The following VAPB variants were observed in gnomAD, a reference collection of about 807,000 sequenced individuals.
VAPB encodes the protein VAMP associated protein B and C.
In VAPB, 7 loss-of-function variants were observed where a neutral mutation model predicts 25.6. The ratio of observed to expected loss-of-function variants is 0.27; its 90% CI spans 0.16 to 0.51. The LOEUF is 0.51. Among genes scored for constraint, VAPB ranks in the 20% least tolerant of loss-of-function variants. The pLI is 0.97. For missense variants in VAPB, 266 were observed against 301.3 expected, an observed-to-expected ratio of 0.88 and a Z score of 0.87; for synonymous variants, 112 against 109.2, an observed-to-expected ratio of 1.03 and a Z score of -0.16.
intron 1 of VAPB, among the ~76,000 whole-genome samples, chr20:58,407,708 G>A (rs556118989): frequency 6.0e-4 from 88 of 146,764 alleles, no homozygotes; most frequent in African/African-American, 2.0e-3. Flanking sequence ...AACTATTTCC[G>A]TTTTTTTCTA....
At chr20:58,414,353 C>T (rs1374409693) in intron 1 of VAPB, among the ~76,000 whole-genome samples, 6 of 144,298 alleles carry the variant, frequency 4.2e-5, no homozygotes, top group African/African-American at 1.3e-4. Context: ...CCGGACGGGG[C>T]GGCCGCCGGG....
In VAPB at chr20:58,434,604, A is replaced by T. The variant is rs1378516349; in HGVS notation, c.214A>T (p.Met72Leu). ...DAGASINVSV[M>L]LQPFDYDPNE... ...TAATGAAATATTTTCTTTCTCAGTG[A>T]TGTTACAGCCTTTCGATTATGATCC... The change falls in exon 3 of 6, where the codon ATG becomes TTG. Residue 72 changes from methionine to leucine, a missense_variant and splice_region_variant. Around this residue, in one of 3 missense-constraint regions of VAPB, gnomAD observed 98 missense variants for 147.1 expected, o/e 0.67. Transcript: ENST00000475243. The T allele has an allele frequency of 6.7e-7, 1 of 1,492,344 alleles. No individual in the cohort carries two copies. The highest frequency in any genetic ancestry group is 1.1e-5 in the South Asian group (1 of 88,572). 92.4% of individuals were successfully genotyped at this position (1,492,344 alleles called of 1,614,324 possible). A position where few individuals can be genotyped will look rare whatever the true frequency, so the allele number is the denominator to read the frequency against.
intron 2 of VAPB, chr20:58,431,197 G>A (rs1988919506): frequency 6.6e-6 from 1 of 152,188 alleles, no homozygotes; most frequent in Non-Finnish European, 1.5e-5. Flanking sequence ...ACTTTGAATG[G>A]ATTTTGTGAT....
At chr20:58,432,596 C>T (rs991319515) in intron 2 of VAPB, among the ~76,000 whole-genome samples, 2 of 152,210 alleles carry the variant, frequency 1.3e-5, no homozygotes, top group Non-Finnish European at 2.9e-5. Context: ...ATTAATCTAA[C>T]AGTGAATCCC....
rs200450997 is a variant in VAPB, at chr20:58,400,236, A to G, written c.58+10719A>G. Among the ~76,000 whole-genome samples the G allele has an allele frequency of 2.0e-4, 31 of 152,188 alleles. No individual in the cohort carries two copies. In the East Asian group the frequency reaches 5.8e-3, roughly 28 times the overall value. Reference sequence around the variant, plus strand: ...GCTTTGGTTTCCTCCTCTGCGATGTAAGGAGGCTTGAACTCAGTACCTCTA... The same window carrying G: ...GCTTTGGTTTCCTCCTCTGCGATGTGAGGAGGCTTGAACTCAGTACCTCTA... On this transcript the variant is annotated intron_variant, in intron 1 of 5. Transcript: ENST00000475243.
At chr20:58,414,644 G>A (rs1237911848) in intron 1 of VAPB, among the ~76,000 whole-genome samples, 3 of 151,614 alleles carry the variant, frequency 2.0e-5, no homozygotes, top group African/African-American at 4.9e-5. Flanking sequence ...GGGCAGAGAC[G>A]CTCCTCACTT....
At chr20:58,415,280 A>G (rs1988511565) in intron 1 of VAPB, among the ~76,000 whole-genome samples, 1 of 152,256 alleles carries the variant, frequency 6.6e-6, no homozygotes, top group South Asian at 2.1e-4. Context: ...CTTTTACAGC[A>G]TGTCAAGGAA....
At chr20:58,439,481 A>G in intron 4 of VAPB, 1 of 201,788 alleles carries the variant, frequency 5.0e-6, no homozygotes, top group Non-Finnish European at 1.0e-5. Context: ...GGCTGCTTTT[A>G]GATGAGGATT....
rs1451879651 is a variant in VAPB, at chr20:58,450,771, G to T, written c.*6536G>T. 1 of 453,948 alleles carries T rather than the reference G, an allele frequency of 2.2e-6. No homozygotes were observed. Among genetic ancestry groups the T allele is most frequent in the Admixed American group, 2.4e-5 (1 of 42,542 alleles). 28.1% of individuals were successfully genotyped at this position (453,948 alleles called of 1,614,324 possible). A position where few individuals can be genotyped will look rare whatever the true frequency, so the allele number is the denominator to read the frequency against. ...TTAAGAGATGTCTTAGAATGCTTTAGTTTTCATAATTTGTCCTTTATGTAT... is the reference window on the plus strand; with the variant it reads ...TTAAGAGATGTCTTAGAATGCTTTATTTTTCATAATTTGTCCTTTATGTAT... On this transcript the variant is annotated 3_prime_UTR_variant, in exon 6 of 6. Transcript: ENST00000475243.
chr20:58,431,152 A>G (rs1418442450), intron 2 of VAPB: 3 of 152,228 alleles, frequency 2.0e-5, no homozygotes, highest in Non-Finnish European at 2.9e-5. Flanking sequence ...GACTTTTTGA[A>G]CATTGTTTCA....
At position 58,447,329 on chromosome 20, in the gene VAPB, C is replaced by T. The variant is rs755559949; in HGVS notation, c.*3094C>T. 8.8e-6 allele frequency: 4 copies of T among 454,086 alleles called. No individual in the cohort carries two copies. Among genetic ancestry groups the T allele is most frequent in the South Asian group, 6.2e-5 (4 of 64,478 alleles). 28.1% of individuals were successfully genotyped at this position (454,086 alleles called of 1,614,324 possible). A position where few individuals can be genotyped will look rare whatever the true frequency, so the allele number is the denominator to read the frequency against. On this transcript the variant is annotated 3_prime_UTR_variant, in exon 6 of 6. Coordinates refer to ENST00000475243, the MANE Select transcript of VAPB (RefSeq NM_004738.5). ...AACTGGCTTTAACTTTTTTCTCCTC[C>T]TAGTTTGCATGTTTTCCTTCTCTCG...
intron 1 of VAPB, among the ~76,000 whole-genome samples, chr20:58,408,785 G>T (rs760695422): frequency 6.6e-6 from 1 of 151,952 alleles, no homozygotes; most frequent in Non-Finnish European, 1.5e-5. Context: ...AGCAGAATCA[G>T]AGTACAATGA....
chr20:58,436,187 T>C (rs1989040102), intron 3 of VAPB, among the ~76,000 whole-genome samples: 1 of 152,098 alleles, frequency 6.6e-6, no homozygotes, highest in Non-Finnish European at 1.5e-5. Context: ...ATGATATAAG[T>C]TTAAATTTTT....
rs1600821730 is a variant in VAPB at position 58,444,191 on chromosome 20, T to G, written c.688T>G (p.Leu230Val). The G allele has an allele frequency of 7.4e-6, 12 of 1,614,222 alleles. No homozygotes were observed. Among genetic ancestry groups the G allele is most frequent in the Non-Finnish European group, 1.0e-5 (12 of 1,180,048 alleles). ...LSTRLLALVV[L>V]FFIVGVIIGK... ...CACCCGGCTCTTGGCTCTGGTGGTTTTGTTCTTTATCGTTGGTGTAATTAT... is the reference window on the plus strand; with the variant it reads ...CACCCGGCTCTTGGCTCTGGTGGTTGTGTTCTTTATCGTTGGTGTAATTAT... The change falls in exon 6 of 6, where the codon TTG (leucine) becomes GTG (valine). Residue 230 changes from leucine (L) to valine (V), a missense_variant. Around this residue, in one of 3 missense-constraint regions of VAPB, gnomAD observed 136 missense variants for 130.7 expected, o/e 1.04. Coordinates refer to ENST00000475243, the MANE Select transcript of VAPB (RefSeq NM_004738.5).
intron 3 of VAPB, among the ~76,000 whole-genome samples, chr20:58,434,952 C>T (rs1226346440): frequency 2.6e-5 from 4 of 152,142 alleles, no homozygotes; most frequent in South Asian, 4.1e-4. Context: ...CAGTGTGCTT[C>T]AGCAGCTCCT....
rs776048287 is a variant in VAPB, at chr20:58,393,236, G to C, written c.58+3719G>C. On this transcript the variant is annotated intron_variant, in intron 1 of 5. Transcript: ENST00000475243. ...TGTAAAGATAGAGTCTTGCCATGTT[G>C]CCCAGGCTGGTCTTGAATTCCTGGC... Among the ~76,000 whole-genome samples, 70 of 152,126 alleles carry C rather than the reference G, an allele frequency of 4.6e-4. 1 individual carries two copies. The highest frequency in any genetic ancestry group is 7.4e-5 in the Non-Finnish European group (5 of 68,016).
rs1443403362 is a variant in VAPB, at chr20:58,434,667, A to G, written c.277A>G (p.Met93Val). 5.0e-6 allele frequency: 8 copies of G among 1,597,160 alleles called. No individual in the cohort carries two copies. The highest frequency in any genetic ancestry group is 2.2e-5 in the East Asian group (1 of 44,796). Residue 93 changes from methionine (M) to valine (V), a missense_variant, in exon 3 of 6, where the codon ATG becomes GTG. By Grantham distance (21) the Met-to-Val change is conservative. Coordinates refer to ENST00000475243, the MANE Select transcript of VAPB (RefSeq NM_004738.5). The part of the protein sequence containing the change: ...KSKHKFMVQS[M>V]FAPTDTSDME... ...TAAACACAAGTTTATGGTTCAGTCT[A>G]TGTTTGCTCCAACTGACACTTCAGA...
At chr20:58,441,909 G>A (rs1243800129) in intron 5 of VAPB, among the ~76,000 whole-genome samples, 1 of 152,168 alleles carries the variant, frequency 6.6e-6, no homozygotes, top group African/African-American at 2.4e-5. Context: ...GTGCCTCACA[G>A]TGGGTAGGAG....
Position 58,446,685 on chromosome 20 carries a change from A to G in VAPB, c.*2450A>G. On this transcript the variant is annotated 3_prime_UTR_variant, in exon 6 of 6. Transcript: ENST00000475243. ...AGTCTCTGAAGTCTCTCTCCCTTCT[A>G]GAGGTTAGGACTTGGTGAACATGTT... 2.2e-6 allele frequency: 1 copy of G among 454,036 alleles called. No homozygotes were observed. Among genetic ancestry groups the G allele is most frequent in the South Asian group, 1.6e-5 (1 of 64,460 alleles). 28.1% of individuals were successfully genotyped at this position (454,036 alleles called of 1,614,324 possible). A position where few individuals can be genotyped will look rare whatever the true frequency, so the allele number is the denominator to read the frequency against.
Sources: gnomAD v4.1 joint callset for allele counts (sites outside exome capture counted in the v4.1 genomes callset) on GRCh38, gnomAD v4.1.1 for gene constraint, gnomAD v4.1.1 regional missense constraint, MANE v1.5 for transcripts, NCBI Gene and HGNC (gene_info 2026-07-23, HGNC 2026-07-21) for gene names.